EXO1: variants seen among roughly 807,000 people sequenced by gnomAD.
EXO1 encodes exonuclease 1.
Under a neutral mutation model 84.5 loss-of-function variants are expected in EXO1, and 69 were observed. The observed-to-expected ratio is 0.82, with a 90% CI of 0.67 to 1.00. EXO1 has a LOEUF of 1.00. Ranked by LOEUF, EXO1 falls within the 50% of genes least tolerant of loss-of-function variation. EXO1 has a pLI of 0.00. For synonymous variants in EXO1, 373 were observed against 366.1 expected (o/e 1.02, Z -0.21); for missense variants, 1,045 against 1,000.7 (o/e 1.04, Z -0.60).
In EXO1 at chr1:241,850,375, A is replaced by C. The variant is rs779576387; in HGVS notation, c.-17-34A>C. On this transcript the variant is annotated intron_variant, in intron 3 of 15. Transcript: ENST00000366548. ...TTTTAATAAATGTATTTTTCTTTAA[A>C]TATTACTGTTCTCCCTGTCTCTTTT... 7 of 1,371,092 alleles carry C rather than the reference A, an allele frequency of 5.1e-6. No individual in the cohort carries two copies. In the Admixed American group the frequency reaches 8.4e-5, roughly 16 times the overall value. The allele number at this position is 1,371,092 out of a possible 1,614,324, so 84.9% of individuals were successfully genotyped here.
At chr1:241,859,132 G>A (rs937815479) in intron 8 of EXO1, among the ~76,000 whole-genome samples, 2 of 151,968 alleles carry the variant, frequency 1.3e-5, no homozygotes, top group African/African-American at 4.8e-5. Flanking sequence ...GATATTTACT[G>A]AATTAAAAAT....
Position 241,857,181 on chromosome 1 carries a change from T to C in EXO1, c.406-164T>C, listed in dbSNP as rs374845851. Reference sequence around the variant, plus strand: ...ATGGCTATATAATTAGTTCAACATATACTAAAACTTACAGTAGAAAAACTC... The same window carrying C: ...ATGGCTATATAATTAGTTCAACATACACTAAAACTTACAGTAGAAAAACTC... On this transcript the variant is annotated intron_variant, in intron 6 of 15. Transcript: ENST00000366548. Among the ~76,000 whole-genome samples, 121 of 152,360 alleles carry C rather than the reference T, an allele frequency of 7.9e-4. 2 individuals are homozygous for C. Among genetic ancestry groups the C allele is most frequent in the African/African-American group, 2.8e-3 (116 of 41,588 alleles).
intron 10 of EXO1, among the ~76,000 whole-genome samples, chr1:241,863,478 A>T (rs1017991009): frequency 6.6e-6 from 1 of 152,062 alleles, no homozygotes; most frequent in African/African-American, 2.4e-5. Context: ...TAGATTGTTC[A>T]TTATGGATGG....
At chr1:241,880,254 C>T (rs963543177) in intron 13 of EXO1, among the ~76,000 whole-genome samples, 3 of 152,172 alleles carry the variant, frequency 2.0e-5, no homozygotes, top group African/African-American at 7.2e-5. Context: ...TGCATCTTCT[C>T]TTACTGCCAC....
intron 14 of EXO1, among the ~76,000 whole-genome samples, chr1:241,883,391 C>G (rs765816260): frequency 6.6e-5 from 10 of 152,126 alleles, no homozygotes; most frequent in African/African-American, 9.7e-5. Flanking sequence ...CAGACAGATG[C>G]CTTCTCGCTG....
intron 12 of EXO1, 29 bp downstream of exon 12, chr1:241,872,307 G>T: frequency 6.2e-7 from 1 of 1,608,238 alleles, no homozygotes; most frequent in Non-Finnish European, 8.5e-7. Context: ...AATGTTGATT[G>T]TCTGTTGTAT....
intron 11 of EXO1, 145 bp from the exon 12 acceptor site, chr1:241,871,886 CT>C: frequency 1.6e-6 from 1 of 609,810 alleles, no homozygotes; most frequent in South Asian, 2.3e-5. Context: ...CATCCTTATC[CT>C]TATGTTTTCT....
rs769493108 is a variant in EXO1 at position 241,860,661 on chromosome 1, T to A, written c.901T>A (p.Tyr301Asn). The change falls in exon 9 of 16, where the codon TAT becomes AAT. Residue 301 changes from tyrosine to asparagine, a missense_variant. Tyr to Asn is a moderately radical substitution (Grantham distance 143). Transcript: ENST00000366548. ...IKRKLIPLNAYEDDVDPETLS... is the reference protein window; with the variant it reads ...IKRKLIPLNANEDDVDPETLS... ...AAGGAAACTTATTCCTCTGAACGCC[T>A]ATGAAGATGATGTTGATCCTGAAAC... 6.2e-7 allele frequency: 1 copy of A among 1,613,996 alleles called. No individual in the cohort carries two copies. Among genetic ancestry groups the A allele is most frequent in the Non-Finnish European group, 8.5e-7 (1 of 1,179,872 alleles).
At chr1:241,874,679 G>C (rs1305323484) in intron 12 of EXO1, among the ~76,000 whole-genome samples, 1 of 152,220 alleles carries the variant, frequency 6.6e-6, no homozygotes, top group Non-Finnish European at 1.5e-5. Flanking sequence ...GACTTGACAA[G>C]TTAACTTCTG....
rs554859240 is a variant in EXO1, at chr1:241,885,076, G to A, written c.2212-238G>A. Among the ~76,000 whole-genome samples the A allele has an allele frequency of 1.3e-5, 2 of 151,786 alleles. 1 individual carries two copies. On this transcript the variant is annotated intron_variant, in intron 14 of 15. Transcript: ENST00000366548. Reference sequence around the variant, plus strand: ...TAAAAAATTAGCGAGGCGTGGTGGCGGGTGCCTGTAGTCCCAGCTACTCGG... The same window carrying A: ...TAAAAAATTAGCGAGGCGTGGTGGCAGGTGCCTGTAGTCCCAGCTACTCGG...
intron 10 of EXO1, among the ~76,000 whole-genome samples, chr1:241,866,239 A>T (rs1661716288): frequency 6.6e-6 from 1 of 151,974 alleles, no homozygotes; most frequent in South Asian, 2.1e-4. Context: ...TCAACCTCCC[A>T]AGTAGCTGGG....
At chr1:241,880,521 A>T (rs1240990727) in intron 13 of EXO1, among the ~76,000 whole-genome samples, 2 of 152,188 alleles carry the variant, frequency 1.3e-5, no homozygotes, top group Non-Finnish European at 2.9e-5. Context: ...GGTTATAGAA[A>T]TGTGAATCCT....
chr1:241,851,744 G>A (rs1293342368), intron 4 of EXO1, among the ~76,000 whole-genome samples: 1 of 152,122 alleles, frequency 6.6e-6, no homozygotes, highest in Non-Finnish European at 1.5e-5. Context: ...TTATCTCAGG[G>A]AAATCAGGCA....
At chr1:241,851,829 G>T (rs1202461680) in intron 4 of EXO1, among the ~76,000 whole-genome samples, 1 of 152,138 alleles carries the variant, frequency 6.6e-6, no homozygotes, top group Admixed American at 6.5e-5. Flanking sequence ...TGAGACAAGT[G>T]TACCAATTAT....
intron 8 of EXO1, 131 bp from the exon 9 acceptor site, chr1:241,860,386 A>G: frequency 1.4e-6 from 1 of 730,036 alleles, no homozygotes; most frequent in Non-Finnish European, 2.4e-6. Flanking sequence ...GTTAGCTGGT[A>G]GAATTTTTTA....
chr1:241,852,215 C>T, intron 4 of EXO1, 77 bp from the exon 5 acceptor site: 1 of 1,294,710 alleles, frequency 7.7e-7, no homozygotes, highest in Non-Finnish European at 1.1e-6. Flanking sequence ...CCATAGTTTT[C>T]TCATCTGGCC....
intron 10 of EXO1, among the ~76,000 whole-genome samples, chr1:241,866,300 GGC>G (rs1298498802): frequency 8.5e-5 from 13 of 152,128 alleles, no homozygotes. Context: ...TTTTAGTAGT[GGC>G]AGGGTTTCAC....
chr1:241,870,969 T>C (rs190878194), intron 11 of EXO1, among the ~76,000 whole-genome samples: 27 of 152,322 alleles, frequency 1.8e-4, no homozygotes, highest in Admixed American at 5.2e-4. Flanking sequence ...ACAGTAGATA[T>C]GGCTTTGCAT....
intron 6 of EXO1, among the ~76,000 whole-genome samples, chr1:241,855,816 G>A (rs1254764422): frequency 2.0e-5 from 3 of 152,258 alleles, no homozygotes; most frequent in African/African-American, 7.2e-5. Flanking sequence ...CGCAGCCGCT[G>A]GCCCGGGTGC....
Sources: allele counts gnomAD v4.1 joint callset (sites outside exome capture counted in the v4.1 genomes callset), GRCh38; gene constraint gnomAD v4.1.1; transcripts MANE v1.5; gene names NCBI Gene and HGNC (gene_info 2026-07-23, HGNC 2026-07-21).